C10orf67: variants seen among roughly 807,000 people sequenced by gnomAD.
C10orf67 encodes the protein uncharacterized protein C10orf67, mitochondrial.
A neutral mutation model predicts 35.6 loss-of-function variants in C10orf67; 60 were observed. That is an observed-to-expected ratio of 1.68 (90% confidence interval 1.37 to 2.09). C10orf67 has a LOEUF of 2.09. Ranked by LOEUF, C10orf67 falls within the 30% of genes most tolerant of loss-of-function variation. The pLI is 0.00. For synonymous variants in C10orf67, 167 were observed against 115.8 expected, an observed-to-expected ratio of 1.44 and a Z score of -2.84; for missense variants, 474 against 330.2, an observed-to-expected ratio of 1.44 and a Z score of -3.38.
chr10:23,222,843 C>A (rs1841622577), intron 15 of C10orf67, among the ~76,000 whole-genome samples: 1 of 152,126 alleles, frequency 6.6e-6, no homozygotes, highest in Non-Finnish European at 1.5e-5. Flanking sequence ...GTTGTCCCAG[C>A]TACTCAGGAG....
intron 10 of C10orf67, among the ~76,000 whole-genome samples, chr10:23,251,288 G>A (rs987991420): frequency 6.6e-6 from 1 of 152,076 alleles, no homozygotes; most frequent in Non-Finnish European, 1.5e-5. Flanking sequence ...TTTGTAAATT[G>A]TAAATCGTGT....
intron 1 of C10orf67, among the ~76,000 whole-genome samples, chr10:23,335,844 ATG>A: frequency 6.6e-6 from 1 of 152,328 alleles, no homozygotes; most frequent in African/African-American, 2.4e-5. Context: ...TACTAGTTAA[ATG>A]TTCCCCCAAA....
At chr10:23,260,764 T>C (rs1842726813) in intron 10 of C10orf67, among the ~76,000 whole-genome samples, 1 of 152,236 alleles carries the variant, frequency 6.6e-6, no homozygotes, top group South Asian at 2.1e-4. Context: ...TGACCTCTTA[T>C]CAATCAGCTG....
intron 4 of C10orf67, among the ~76,000 whole-genome samples, chr10:23,309,603 A>G (rs1844420091): frequency 6.6e-6 from 1 of 152,196 alleles, no homozygotes. Context: ...TGCACTAAAA[A>G]TTATGAGAAA....
intron 10 of C10orf67, among the ~76,000 whole-genome samples, chr10:23,260,919 T>A (rs1335610390): frequency 2.6e-5 from 4 of 152,234 alleles, no homozygotes; most frequent in South Asian, 2.1e-4. Flanking sequence ...AATATTCTTA[T>A]GCTTTATTTA....
intron 4 of C10orf67, among the ~76,000 whole-genome samples, chr10:23,312,499 C>T (rs1224289737): frequency 6.6e-6 from 1 of 152,132 alleles, no homozygotes; most frequent in Admixed American, 6.5e-5. Flanking sequence ...CTCCAAAAAG[C>T]CCTGGTTTCT....
intron 12 of C10orf67, among the ~76,000 whole-genome samples, chr10:23,242,833 A>G (rs1256419007): frequency 2.0e-5 from 3 of 152,164 alleles, no homozygotes; most frequent in Non-Finnish European, 4.4e-5. Context: ...AGAAGAAGAA[A>G]TATAAAACAG....
chr10:23,281,427 A>G (rs530672926), intron 8 of C10orf67, among the ~76,000 whole-genome samples: 1 of 152,198 alleles, frequency 6.6e-6, no homozygotes. Flanking sequence ...TATAATAAAC[A>G]CAGTCAGTTT....
chr10:23,343,637 G>A (rs980371815), intron 1 of C10orf67, among the ~76,000 whole-genome samples: 1 of 152,200 alleles, frequency 6.6e-6, no homozygotes, highest in Middle Eastern at 3.2e-3. Flanking sequence ...GCACAGAGCA[G>A]TCAGTCGCCT....
chr10:23,229,691 G>T (rs1841851816), intron 13 of C10orf67, among the ~76,000 whole-genome samples: 1 of 151,900 alleles, frequency 6.6e-6, no homozygotes, highest in South Asian at 2.1e-4. Context: ...ATTACATGTG[G>T]CAAAAACTGA....
At chr10:23,282,103 T>A (rs1215313092) in intron 7 of C10orf67, 25 bp from the exon 8 acceptor site, 1 of 530,752 alleles carries the variant, frequency 1.9e-6, no homozygotes, top group Non-Finnish European at 3.4e-6. Flanking sequence ...AAATTATATT[T>A]TTATTAAAGA....
intron 1 of C10orf67, among the ~76,000 whole-genome samples, chr10:23,339,028 G>A (rs1346614209): frequency 6.6e-6 from 1 of 152,066 alleles, no homozygotes; most frequent in Admixed American, 6.6e-5. Flanking sequence ...AGAATGAAGA[G>A]GCACCTCTCA....
intron 10 of C10orf67, among the ~76,000 whole-genome samples, chr10:23,253,868 T>C (rs938762984): frequency 1.3e-5 from 2 of 152,158 alleles, no homozygotes; most frequent in Non-Finnish European, 2.9e-5. Context: ...TCTCTTTTCA[T>C]TAAAAAAAGA....
At chr10:23,205,524 C>G (rs898520374) in intron 15 of C10orf67, among the ~76,000 whole-genome samples, 1 of 152,108 alleles carries the variant, frequency 6.6e-6, no homozygotes. Context: ...TAGAAAAGTA[C>G]TCATCTTACA....
chr10:23,275,405 TCAAAACCC>T, intron 8 of C10orf67, among the ~76,000 whole-genome samples: 3 of 152,176 alleles, frequency 2.0e-5, no homozygotes, highest in African/African-American at 4.8e-5. Flanking sequence ...GTCCTGCCTC[TCAAAACCC>T]TTCGGGAAGA....
At chr10:23,256,433 G>A (rs1276796202) in intron 10 of C10orf67, among the ~76,000 whole-genome samples, 1 of 152,176 alleles carries the variant, frequency 6.6e-6, no homozygotes, top group Non-Finnish European at 1.5e-5. Context: ...GAACCCATTA[G>A]AGAGCTGGGG....
intron 15 of C10orf67, among the ~76,000 whole-genome samples, chr10:23,222,716 C>A (rs1841618856): frequency 6.6e-6 from 1 of 152,122 alleles, no homozygotes; most frequent in African/African-American, 2.4e-5. Flanking sequence ...AATGTGAGTA[C>A]ATTAAGATGC....
intron 8 of C10orf67, among the ~76,000 whole-genome samples, chr10:23,268,955 C>T (rs1213985911): frequency 1.3e-5 from 2 of 152,166 alleles, no homozygotes; most frequent in Non-Finnish European, 1.5e-5. Context: ...TATTGGACTA[C>T]CATCGTGTAT....
intron 12 of C10orf67, among the ~76,000 whole-genome samples, chr10:23,242,029 T>C (rs1164715204): frequency 1.3e-5 from 2 of 152,072 alleles, no homozygotes; most frequent in African/African-American, 4.8e-5. Context: ...TGGAGTGCAG[T>C]GGCACAATCT....
Sources: gnomAD v4.1 joint callset for allele counts (sites outside exome capture counted in the v4.1 genomes callset) on GRCh38, gnomAD v4.1.1 for gene constraint, MANE v1.5 for transcripts, NCBI Gene and HGNC (gene_info 2026-07-23, HGNC 2026-07-21) for gene names.